The following MINPP1 variants were observed in gnomAD, a reference collection of about 807,000 sequenced individuals.
MINPP1 encodes multiple inositol polyphosphate phosphatase 1.
In MINPP1, 28 loss-of-function variants were observed where a neutral mutation model predicts 46.1. That is an observed-to-expected ratio of 0.61 (90% CI 0.45 to 0.83). MINPP1 has a LOEUF of 0.83. Among genes scored for constraint, MINPP1 ranks in the 40% least tolerant of loss-of-function variants. The pLI, the probability that MINPP1 is intolerant of heterozygous loss-of-function variation, is 0.00. For missense variants in MINPP1, 603 were observed against 610.0 expected, an observed-to-expected ratio of 0.99 and a Z score of 0.12; for synonymous variants, 268 against 249.1, an observed-to-expected ratio of 1.08 and a Z score of -0.72.
At position 87,552,103 on chromosome 10, in the gene MINPP1, A is replaced by G. The variant is rs1284894917; in HGVS notation, c.1089A>G (p.Pro363=). Residue 363 remains proline (P), a synonymous_variant, in exon 5 of 5, where the codon CCA becomes CCG. Transcript: ENST00000371996. ...QKQRSQPISS[P]VILQFGHAET... is the part of the protein sequence containing the mutation. ...GAAGGTCTCAGCCAATTTCTTCTCC[A>G]GTCATCCTCCAGTTTGGTCATGCAG... is the stretch of plus-strand genomic sequence containing the variant. The G allele has an allele frequency of 6.2e-7, 1 of 1,612,802 alleles. No individual in the cohort carries two copies. The highest frequency in any genetic ancestry group is 8.5e-7 in the Non-Finnish European group (1 of 1,179,318).
At chr10:87,514,162 G>T (rs1851377082) in intron 3 of MINPP1, among the ~76,000 whole-genome samples, 1 of 152,078 alleles carries the variant, frequency 6.6e-6, no homozygotes, top group Non-Finnish European at 1.5e-5. Flanking sequence ...GGATGTCAGG[G>T]ATTAGAATGT....
At chr10:87,514,800 CT>C (rs1851389602) in intron 3 of MINPP1, among the ~76,000 whole-genome samples, 1 of 152,126 alleles carries the variant, frequency 6.6e-6, no homozygotes, top group Admixed American at 6.5e-5. Context: ...ACTGAAACCT[CT>C]GCCTCCCGGA....
intron 3 of MINPP1, among the ~76,000 whole-genome samples, chr10:87,518,894 T>G (rs1050596051): frequency 2.6e-5 from 4 of 152,152 alleles, no homozygotes; most frequent in Non-Finnish European, 5.9e-5. Flanking sequence ...TCCAGGAAGC[T>G]CCACATGTTC....
intron 4 of MINPP1, among the ~76,000 whole-genome samples, chr10:87,538,476 A>G (rs1325640684): frequency 6.6e-6 from 1 of 152,158 alleles, no homozygotes; most frequent in Non-Finnish European, 1.5e-5. Context: ...CTGGTACTTT[A>G]AGGTAGGACA....
intron 3 of MINPP1, among the ~76,000 whole-genome samples, chr10:87,518,848 C>T (rs147548501): frequency 3.2e-4 from 48 of 152,268 alleles, no homozygotes; most frequent in African/African-American, 1.1e-3. Context: ...GGGGAAGGGG[C>T]GTGGAGCTTC....
chr10:87,528,173 AT>A (rs574629724), intron 4 of MINPP1, among the ~76,000 whole-genome samples: 1 of 151,680 alleles, frequency 6.6e-6, no homozygotes, highest in Non-Finnish European at 1.5e-5. Flanking sequence ...AGATTCACTG[AT>A]TTTTTTTGAA....
chr10:87,515,144 T>C (rs919712407), intron 3 of MINPP1, among the ~76,000 whole-genome samples: 5 of 151,700 alleles, frequency 3.3e-5, no homozygotes, highest in African/African-American at 1.2e-4. Flanking sequence ...CCCAGCACTT[T>C]GGGCGGCCAA....
chr10:87,522,053 G>GTA (rs1851509596), intron 4 of MINPP1, among the ~76,000 whole-genome samples: 1 of 151,976 alleles, frequency 6.6e-6, no homozygotes, highest in African/African-American at 2.4e-5. Flanking sequence ...ACAGACAGCT[G>GTA]TATACATTTG....
intron 4 of MINPP1, among the ~76,000 whole-genome samples, chr10:87,542,417 AC>A (rs940226962): frequency 2.7e-5 from 4 of 148,790 alleles, no homozygotes; most frequent in African/African-American, 1.0e-4. Context: ...CTCCCACCTC[AC>A]CCTCCCAGGT....
Position 87,505,562 on chromosome 10 carries a change from CG to C in MINPP1, c.637+13del. ...CCGCCGGACGTCGCAGGTGACCCCC[CG>C]GGCGGCCCGTGTGCTGTCCCGGTCC... is the stretch of plus-strand genomic sequence containing the variant. On this transcript the variant is annotated intron_variant, in intron 1 of 4. Transcript: ENST00000371996. This position sits in a 1 kb window ranked among gnomAD's most constrained non-coding sequence, Gnocchi z 4.4. 6.3e-7 allele frequency: 1 copy of C among 1,595,980 alleles called. No homozygotes were observed. The highest frequency in any genetic ancestry group is 8.5e-7 in the Non-Finnish European group (1 of 1,176,550).
At chr10:87,551,528 C>T (rs976158793) in intron 4 of MINPP1, among the ~76,000 whole-genome samples, 1 of 152,044 alleles carries the variant, frequency 6.6e-6, no homozygotes, top group African/African-American at 2.4e-5. Context: ...CACATTGTTT[C>T]AGCCACAATA....
rs372315524 is a variant in MINPP1 at position 87,537,222 on chromosome 10, C to T, written c.1068-14860C>T. ...AAAGTGCTGGGATTACAGGCATGAG[C>T]CACCGTGCCCGGCCGTCTTTTTCAC... On this transcript the variant is annotated intron_variant, in intron 4 of 4. Coordinates refer to ENST00000371996, the MANE Select transcript of MINPP1 (RefSeq NM_004897.5). Among the ~76,000 whole-genome samples the T allele has an allele frequency of 8.7e-4, 132 of 152,334 alleles. 2 individuals carry two copies. In the South Asian group the frequency reaches 0.026, roughly 30 times the overall value.
intron 4 of MINPP1, among the ~76,000 whole-genome samples, chr10:87,528,395 T>G (rs1851609129): frequency 6.6e-6 from 1 of 152,246 alleles, no homozygotes; most frequent in African/African-American, 2.4e-5. Flanking sequence ...TCCCAGAGAT[T>G]CTGGTATGTT....
chr10:87,513,373 AAG>A lies in MINPP1; in HGVS notation c.933+158_933+159del, dbSNP rs1266208336. The A allele has an allele frequency of 6.2e-6, 4 of 642,818 alleles. 1 individual carries two copies. Among genetic ancestry groups the A allele is most frequent in the Admixed American group, 5.4e-5 (2 of 37,306 alleles). 39.8% of individuals were successfully genotyped at this position (642,818 alleles called of 1,614,324 possible). On this transcript the variant is annotated intron_variant, in intron 3 of 4. Coordinates refer to ENST00000371996, the MANE Select transcript of MINPP1 (RefSeq NM_004897.5). ...ACTAACTCCTAATTTTCCTTAAATAAAGAGAGATTAAAGGTTCAAATTGGTCC... is the reference window on the plus strand; with the variant it reads ...ACTAACTCCTAATTTTCCTTAAATAAAGAGATTAAAGGTTCAAATTGGTCC...
intron 2 of MINPP1, among the ~76,000 whole-genome samples, chr10:87,509,241 A>G (rs113585148): frequency 1.1e-4 from 17 of 152,180 alleles, no homozygotes; most frequent in African/African-American, 3.9e-4. Context: ...ACAAAGATAC[A>G]TGCAAAGATT....
chr10:87,547,056 A>G (rs946190030), intron 4 of MINPP1, among the ~76,000 whole-genome samples: 11 of 152,170 alleles, frequency 7.2e-5, no homozygotes, highest in African/African-American at 1.2e-4. Context: ...TTCCTCAGTC[A>G]TTATGTTGAA....
rs561398711 is a variant in MINPP1 at position 87,527,499 on chromosome 10, A to C, written c.1067+6330A>C. On this transcript the variant is annotated intron_variant, in intron 4 of 4. Coordinates refer to ENST00000371996, the MANE Select transcript of MINPP1 (RefSeq NM_004897.5). ...GCATGAAGGGCTGTTGAATTTTGTC[A>C]AAGCCCTTTTCTGCATCTATTGAGA... is the stretch of plus-strand genomic sequence containing the variant. Among the ~76,000 whole-genome samples, 314 of 152,266 alleles carry C rather than the reference A, an allele frequency of 2.1e-3. 2 individuals carry two copies. The highest frequency in any genetic ancestry group is 0.02 in the Admixed American group (302 of 15,288).
At chr10:87,526,679 G>T (rs1851581795) in intron 4 of MINPP1, among the ~76,000 whole-genome samples, 1 of 152,194 alleles carries the variant, frequency 6.6e-6, no homozygotes, top group Non-Finnish European at 1.5e-5. Flanking sequence ...ATGGTTTTAA[G>T]TCTAACTTTT....
Position 87,553,347 on chromosome 10 carries a change from G to A in MINPP1, c.*869G>A, listed in dbSNP as rs1020150441. The stretch of plus-strand genomic sequence containing the variant: ...ATAGTTCTGAGTTCTGTCAAATGCC[G>A]TGAAAGTATTTGCTATAATAAAGAA... On this transcript the variant is annotated 3_prime_UTR_variant, in exon 5 of 5. Transcript: ENST00000371996. 1 of 151,884 alleles carries A rather than the reference G, an allele frequency of 6.6e-6. No homozygotes were observed. The highest frequency in any genetic ancestry group is 6.6e-5 in the Admixed American group (1 of 15,224). The allele number at this position is 151,884 out of a possible 1,614,324, so 9.4% of individuals were successfully genotyped here.
Sources: allele counts gnomAD v4.1 joint callset (sites outside exome capture counted in the v4.1 genomes callset), GRCh38; gene constraint gnomAD v4.1.1; non-coding constraint Gnocchi (gnomAD v3.1); transcripts MANE v1.5; gene names NCBI Gene and HGNC (gene_info 2026-07-23, HGNC 2026-07-21).